Variants in CELF4 observed in about 807,000 individuals in gnomAD.
CELF4 encodes the protein CUG-BP- and ETR-3-like factor 4.
In CELF4, 18 loss-of-function variants were observed where a neutral mutation model predicts 59.9. That is an observed-to-expected ratio of 0.30 (90% CI 0.21 to 0.45). The LOEUF (loss-of-function observed/expected upper bound fraction) is 0.45. CELF4 is among the 20% of genes least tolerant of loss of function. The probability of loss-of-function intolerance (pLI) is 1.00; values close to 1 mark genes in which losing one functional copy is unlikely to be tolerated. For missense variants in CELF4, 456 were observed against 689.0 expected (o/e 0.66, Z 3.79); for synonymous variants, 261 against 267.1 (o/e 0.98, Z 0.22).
chr18:37,541,512 C>T (rs563285110), intron 1 of CELF4, among the ~76,000 whole-genome samples: 1 of 152,302 alleles, frequency 6.6e-6, no homozygotes, highest in East Asian at 1.9e-4. Context: ...TCTCCTATAG[C>T]AGCTGGCTCC....
At position 37,320,203 on chromosome 18, in the gene CELF4, GCAT is replaced by G. The variant is rs772624831; in HGVS notation, c.448+1597_448+1599del. 5.9e-5 allele frequency among the ~76,000 whole-genome samples: 9 copies of G among 152,250 alleles called. No homozygotes were observed. In the East Asian group the frequency reaches 1.2e-3, roughly 20 times the overall value. The stretch of plus-strand genomic sequence containing the variant: ...ATACAAAAATTAGCTGGGTGTGGCG[GCAT>G]GCGCCTGTAGTCCCAGCTGCTGAGG... On this transcript the variant is annotated intron_variant, in intron 3 of 12. Transcript: ENST00000420428.
intron 3 of CELF4, among the ~76,000 whole-genome samples, chr18:37,279,754 A>C (rs1273099936): frequency 6.6e-6 from 1 of 152,232 alleles, no homozygotes; most frequent in Non-Finnish European, 1.5e-5. Flanking sequence ...CACCTGGAAG[A>C]ACAAGGCCAC....
At chr18:37,307,102 TG>T (rs2096453755) in intron 3 of CELF4, among the ~76,000 whole-genome samples, 1 of 151,956 alleles carries the variant, frequency 6.6e-6, no homozygotes, top group Non-Finnish European at 1.5e-5. Flanking sequence ...GGAAGGTAGG[TG>T]GCTGTGATGG....
chr18:37,489,324 TG>T (rs1189629457), intron 1 of CELF4, among the ~76,000 whole-genome samples: 1 of 152,188 alleles, frequency 6.6e-6, no homozygotes, highest in African/African-American at 2.4e-5. Flanking sequence ...GGCAGAGCCC[TG>T]GGGGCATGGT....
rs2072581550 is a variant in CELF4, at chr18:37,259,277, G to A, written c.1250-13C>T. 1 of 1,182,402 alleles carries A rather than the reference G, an allele frequency of 8.5e-7. No homozygotes were observed. Among genetic ancestry groups the A allele is most frequent in the East Asian group, 2.4e-5 (1 of 41,992 alleles). 73.2% of individuals were successfully genotyped at this position (1,182,402 alleles called of 1,614,324 possible). ...CAGCCCTCGGGCCCTGCGGTGAGGG[G>A]AGGGGGTGGGCGGGGGAGGAGGGAT... On this transcript the variant is annotated splice_polypyrimidine_tract_variant and intron_variant, in intron 10 of 12. Coordinates refer to ENST00000420428, the MANE Select transcript of CELF4 (RefSeq NM_020180.4).
In CELF4 at chr18:37,273,537, C is replaced by A. The variant is rs1344732655; in HGVS notation, c.802-374G>T. ...ATGAGCCTCTGCAGAACTCACTTAG[C>A]ACAGGTTTCTGTCCAGAATGGTTTT... On this transcript the variant is annotated intron_variant, in intron 6 of 12. Transcript: ENST00000420428. 5 of 1,007,060 alleles carry A rather than the reference C, an allele frequency of 5.0e-6. No homozygotes were observed. In the African/African-American group the frequency reaches 8.6e-5, roughly 17 times the overall value. The allele number at this position is 1,007,060 out of a possible 1,614,324, so 62.4% of individuals were successfully genotyped here.
intron 11 of CELF4, among the ~76,000 whole-genome samples, chr18:37,258,373 C>A (rs1408998651): frequency 6.6e-6 from 1 of 152,044 alleles, no homozygotes; most frequent in Non-Finnish European, 1.5e-5. Context: ...CCTTCCTCAT[C>A]CAATTCTCCC....
intron 10 of CELF4, among the ~76,000 whole-genome samples, chr18:37,262,641 T>C (rs1473917269): frequency 6.6e-6 from 1 of 151,840 alleles, no homozygotes; most frequent in Non-Finnish European, 1.5e-5. Flanking sequence ...TAGGCCAGAG[T>C]GATTCAGGGA....
chr18:37,282,767 G>A (rs1363476484), intron 3 of CELF4, among the ~76,000 whole-genome samples: 4 of 152,144 alleles, frequency 2.6e-5, no homozygotes, highest in Non-Finnish European at 5.9e-5. Flanking sequence ...TGACCAGGCT[G>A]GCCATCCTCC....
chr18:37,458,038 G>T (rs2099783396), intron 2 of CELF4, among the ~76,000 whole-genome samples: 1 of 152,134 alleles, frequency 6.6e-6, no homozygotes, highest in South Asian at 2.1e-4. Context: ...TCCAATAAGG[G>T]TCATGCGTGA....
At chr18:37,518,296 T>C (rs762198124) in intron 1 of CELF4, among the ~76,000 whole-genome samples, 19 of 152,202 alleles carry the variant, frequency 1.2e-4, no homozygotes, top group Non-Finnish European at 2.4e-4. Flanking sequence ...ATAGTTTTTA[T>C]TGAACTTTAT....
At chr18:37,502,021 C>T (rs1339436273) in intron 1 of CELF4, among the ~76,000 whole-genome samples, 3 of 152,154 alleles carry the variant, frequency 2.0e-5, no homozygotes, top group Non-Finnish European at 2.9e-5. Context: ...GTGCATCACT[C>T]GTGGTCTCAG....
At chr18:37,533,986 C>T (rs936826277) in intron 1 of CELF4, among the ~76,000 whole-genome samples, 3 of 152,164 alleles carry the variant, frequency 2.0e-5, no homozygotes, top group African/African-American at 7.2e-5. Flanking sequence ...AGCCTTGAAG[C>T]GCAAATGCTG....
At chr18:37,361,296 A>G (rs1223217815) in intron 2 of CELF4, among the ~76,000 whole-genome samples, 2 of 152,174 alleles carry the variant, frequency 1.3e-5, no homozygotes, top group Non-Finnish European at 2.9e-5. Flanking sequence ...CACCAGGATT[A>G]AAGTCGCTAA....
At chr18:37,337,381 T>G (rs1395770037) in intron 2 of CELF4, among the ~76,000 whole-genome samples, 1 of 152,144 alleles carries the variant, frequency 6.6e-6, no homozygotes, top group Non-Finnish European at 1.5e-5. Flanking sequence ...CTGCCCACCT[T>G]TAGCACAGCT....
chr18:37,485,660 C>G, intron 1 of CELF4, 53 bp from the exon 2 acceptor site: 1 of 1,209,138 alleles, frequency 8.3e-7, no homozygotes, highest in Non-Finnish European at 1.1e-6. Context: ...CCCGGGCCCG[C>G]CGACGCGCCC....
At chr18:37,292,052 C>G (rs772109361) in intron 3 of CELF4, among the ~76,000 whole-genome samples, 52 of 151,746 alleles carry the variant, frequency 3.4e-4, no homozygotes, top group Non-Finnish European at 6.0e-4. Flanking sequence ...AAAAAAGAGG[C>G]CTGAGGGAGT....
At chr18:37,539,454 C>T (rs2099976052) in intron 1 of CELF4, among the ~76,000 whole-genome samples, 1 of 111,132 alleles carries the variant, frequency 9.0e-6, no homozygotes, top group Non-Finnish European at 1.7e-5. Context: ...CTAAGACACA[C>T]ACACACACAC....
intron 7 of CELF4, among the ~76,000 whole-genome samples, 168 bp downstream of exon 7, chr18:37,272,848 T>C: frequency 6.6e-6 from 1 of 152,198 alleles, no homozygotes; most frequent in Non-Finnish European, 1.5e-5. Context: ...TGGATCCCCA[T>C]GGATTAGAAC....
Sources: gnomAD v4.1 joint callset for allele counts (sites outside exome capture counted in the v4.1 genomes callset) on GRCh38, gnomAD v4.1.1 for gene constraint, MANE v1.5 for transcripts, NCBI Gene and HGNC (gene_info 2026-07-23, HGNC 2026-07-21) for gene names.